KCTD16: variants seen among roughly 807,000 people sequenced by gnomAD.
KCTD16 encodes the protein potassium channel tetramerization domain containing 16.
KCTD16 carries 13 observed loss-of-function variants against 33.2 expected under a neutral mutation model. That is an observed-to-expected ratio of 0.39 (90% CI 0.25 to 0.62). KCTD16 has a LOEUF of 0.62. Among genes scored for constraint, KCTD16 ranks in the 20% least tolerant of loss-of-function variants. KCTD16 has a pLI of 0.50. For synonymous variants in KCTD16, 197 were observed against 195.3 expected (o/e 1.01, Z -0.07); for missense variants, 441 against 525.1 (o/e 0.84, Z 1.57).
chr5:144,406,953 A>G lies in KCTD16; in HGVS notation c.833-66707A>G, dbSNP rs537831900. 3.3e-5 allele frequency among the ~76,000 whole-genome samples: 5 copies of G among 152,264 alleles called. No individual in the cohort carries two copies. The South Asian group carries it at 1.0e-3, about 32-fold the overall frequency. ...TTATCTTATTCCTGATCCACTTCCA[A>G]TACAGGGCACCAGGACAGGATTTTT... On this transcript the variant is annotated intron_variant, in intron 3 of 3. Coordinates refer to ENST00000512467, the MANE Select transcript of KCTD16 (RefSeq NM_020768.4).
intron 3 of KCTD16, among the ~76,000 whole-genome samples, chr5:144,225,050 C>T (rs1288587111): frequency 1.3e-5 from 2 of 152,078 alleles, no homozygotes; most frequent in African/African-American, 2.4e-5. Context: ...TGCCCTGACC[C>T]GAATTCTGGC....
chr5:144,364,501 G>A (rs192938208), intron 3 of KCTD16, among the ~76,000 whole-genome samples: 5 of 152,122 alleles, frequency 3.3e-5, no homozygotes, highest in Non-Finnish European at 7.3e-5. Context: ...AGATCCAATC[G>A]CATTTTATCG....
intron 3 of KCTD16, among the ~76,000 whole-genome samples, chr5:144,441,653 A>G (rs1753710216): frequency 6.6e-6 from 1 of 152,008 alleles, no homozygotes; most frequent in Admixed American, 6.6e-5. Context: ...TTACTTCTGA[A>G]TTCTCAGTCG....
chr5:144,214,399 G>A (rs1218813797), intron 3 of KCTD16, among the ~76,000 whole-genome samples: 1 of 152,080 alleles, frequency 6.6e-6, no homozygotes, highest in Non-Finnish European at 1.5e-5. Flanking sequence ...AGGAGTGACT[G>A]ACCATGTCAC....
At chr5:144,307,458 A>G (rs562990552) in intron 3 of KCTD16, among the ~76,000 whole-genome samples, 2 of 152,242 alleles carry the variant, frequency 1.3e-5, no homozygotes, top group East Asian at 1.9e-4. Flanking sequence ...TAGAATAATA[A>G]TGATCATTTA....
intron 3 of KCTD16, among the ~76,000 whole-genome samples, chr5:144,425,067 A>T (rs984952006): frequency 6.6e-6 from 1 of 152,128 alleles, no homozygotes; most frequent in Non-Finnish European, 1.5e-5. Flanking sequence ...GACTCAAGGC[A>T]TGATTCATCC....
chr5:144,244,042 C>G (rs1580815604), intron 3 of KCTD16, among the ~76,000 whole-genome samples: 1 of 152,116 alleles, frequency 6.6e-6, no homozygotes, highest in Non-Finnish European at 1.5e-5. Flanking sequence ...CGCGTCCAGC[C>G]CCCCATGAAT....
At chr5:144,329,521 C>A (rs1015166581) in intron 3 of KCTD16, among the ~76,000 whole-genome samples, 6 of 152,174 alleles carry the variant, frequency 3.9e-5, no homozygotes, top group African/African-American at 1.4e-4. Context: ...AAAAGTGACA[C>A]TGCAATCAAT....
intron 3 of KCTD16, among the ~76,000 whole-genome samples, chr5:144,459,522 G>C (rs1754145506): frequency 6.6e-6 from 1 of 151,720 alleles, no homozygotes; most frequent in Admixed American, 6.6e-5. Flanking sequence ...ACTGATTTCT[G>C]TATTTTTAGT....
At chr5:144,454,290 G>A (rs1237321747) in intron 3 of KCTD16, among the ~76,000 whole-genome samples, 19 of 152,066 alleles carry the variant, frequency 1.2e-4, no homozygotes, top group Admixed American at 1.2e-3. Context: ...TAAAACCAGA[G>A]CATTCATAGA....
At chr5:144,286,681 A>G (rs1282993469) in intron 3 of KCTD16, among the ~76,000 whole-genome samples, 1 of 152,216 alleles carries the variant, frequency 6.6e-6, no homozygotes, top group Non-Finnish European at 1.5e-5. Flanking sequence ...TTACTCTAAA[A>G]TACTTTTTAC....
At chr5:144,345,217 G>A (rs192817458) in intron 3 of KCTD16, among the ~76,000 whole-genome samples, 8 of 131,252 alleles carry the variant, frequency 6.1e-5, no homozygotes, top group Non-Finnish European at 1.1e-4. Flanking sequence ...GGGTGGGGGA[G>A]GGGGGAGGGA....
At chr5:144,438,464 G>A (rs375601124) in intron 3 of KCTD16, among the ~76,000 whole-genome samples, 2 of 152,198 alleles carry the variant, frequency 1.3e-5, no homozygotes, top group Non-Finnish European at 2.9e-5. Context: ...TTTCTGCTGT[G>A]TGGGTATCAC....
intron 3 of KCTD16, among the ~76,000 whole-genome samples, chr5:144,278,531 C>T (rs929384378): frequency 1.5e-5 from 2 of 135,982 alleles, no homozygotes; most frequent in Non-Finnish European, 3.0e-5. Flanking sequence ...CGCTCTGTCG[C>T]CCAGGCCGGA....
At chr5:144,386,124 T>A (rs1044479640) in intron 3 of KCTD16, among the ~76,000 whole-genome samples, 13 of 152,286 alleles carry the variant, frequency 8.5e-5, no homozygotes, top group African/African-American at 3.1e-4. Flanking sequence ...GCAGAAAAAC[T>A]AAGTTAAGAG....
chr5:144,315,750 T>C (rs1261576733), intron 3 of KCTD16, among the ~76,000 whole-genome samples: 1 of 152,184 alleles, frequency 6.6e-6, no homozygotes, highest in African/African-American at 2.4e-5. Flanking sequence ...AATTACTATA[T>C]TCAAATAGTA....
chr5:144,239,718 G>A (rs1042401980), intron 3 of KCTD16, among the ~76,000 whole-genome samples: 2 of 152,066 alleles, frequency 1.3e-5, no homozygotes, highest in Non-Finnish European at 1.5e-5. Context: ...GTATCTTATA[G>A]TCTGATGAAA....
Position 144,485,384 on chromosome 5 carries a change from C to T in KCTD16, c.*11270C>T, listed in dbSNP as rs1287231282. 1.3e-5 allele frequency: 2 copies of T among 151,866 alleles called. No homozygotes were observed. Among genetic ancestry groups the T allele is most frequent in the Non-Finnish European group, 1.5e-5 (1 of 67,878 alleles). The allele number at this position is 151,866 out of a possible 1,614,324, so 9.4% of individuals were successfully genotyped here. On this transcript the variant is annotated 3_prime_UTR_variant, in exon 4 of 4. Coordinates refer to ENST00000512467, the MANE Select transcript of KCTD16 (RefSeq NM_020768.4). ...TCACTGCCAATGGAAACAAACTACT[C>T]TTTTCTTTGGATTCATTGATGGATA...
chr5:144,196,545 A>G (rs1023308712), intron 2 of KCTD16, among the ~76,000 whole-genome samples: 3 of 152,134 alleles, frequency 2.0e-5, no homozygotes, highest in African/African-American at 7.2e-5. Context: ...TGCAGCTTCT[A>G]TGTCCTGTAT....
Sources: gnomAD v4.1 joint callset for allele counts (sites outside exome capture counted in the v4.1 genomes callset) on GRCh38, gnomAD v4.1.1 for gene constraint, MANE v1.5 for transcripts, NCBI Gene and HGNC (gene_info 2026-07-23, HGNC 2026-07-21) for gene names.